The following ADD3 variants were observed in gnomAD, a reference collection of about 807,000 sequenced individuals.
ADD3 encodes adducin 3, also known as gamma-adducin.
ADD3 carries 25 observed loss-of-function variants against 80.2 expected under a neutral mutation model. That is an observed-to-expected ratio of 0.31 (90% CI 0.23 to 0.44). The LOEUF (loss-of-function observed/expected upper bound fraction) is 0.44. Ranked by LOEUF, ADD3 falls within the 20% of genes least tolerant of loss-of-function variation. ADD3 has a pLI of 1.00. For synonymous variants in ADD3, 284 were observed against 289.6 expected (o/e 0.98, Z 0.20); for missense variants, 829 against 847.5 (o/e 0.98, Z 0.27).
intron 1 of ADD3, among the ~76,000 whole-genome samples, chr10:110,073,996 T>G (rs762055317): frequency 6.6e-6 from 1 of 152,108 alleles, no homozygotes; most frequent in Non-Finnish European, 1.5e-5. Flanking sequence ...AGACTGAATG[T>G]CCCACAGAGC....
rs1490994717 is a variant in ADD3, at chr10:110,100,715, AAG to A, written c.68_69del (p.Arg23IlefsTer3). The A allele has an allele frequency of 1.9e-6, 3 of 1,613,842 alleles. No individual in the cohort carries two copies. The highest frequency in any genetic ancestry group is 1.6e-4 in the Middle Eastern group (1 of 6,084). The stretch of plus-strand genomic sequence containing the variant: ...CCTCCTCCTCCCAGCATGCCTCACA[AAG>A]AGAGATATTTTGACCGCATCAATGA... On this transcript the variant is annotated frameshift_variant, in exon 2 of 15. Transcript: ENST00000356080. LOFTEE classifies it high-confidence loss of function.
intron 3 of ADD3, among the ~76,000 whole-genome samples, chr10:110,114,324 T>C (rs1850425532): frequency 6.6e-6 from 1 of 152,240 alleles, no homozygotes; most frequent in Non-Finnish European, 1.5e-5. Context: ...ATTAAAACTA[T>C]TCAGATTACT....
At chr10:110,040,970 C>CTCTCTCTGTCTCTCTCTG (rs1856277673) in intron 1 of ADD3, among the ~76,000 whole-genome samples, 1 of 26,312 alleles carries the variant, frequency 3.8e-5, no homozygotes, top group Non-Finnish European at 1.9e-4. Flanking sequence ...CTCTGTCTCT[C>CTCTCTCTGTCTCTCTCTG]TCTCTCTCTC....
intron 1 of ADD3, among the ~76,000 whole-genome samples, chr10:110,096,198 A>T (rs1728650967): frequency 6.6e-6 from 1 of 152,214 alleles, no homozygotes; most frequent in Non-Finnish European, 1.5e-5. Context: ...CTCTTTCAGC[A>T]TTCTACCTAG....
At chr10:110,016,913 G>A (rs1420709770) in intron 1 of ADD3, among the ~76,000 whole-genome samples, 1 of 152,110 alleles carries the variant, frequency 6.6e-6, no homozygotes, top group African/African-American at 2.4e-5. Flanking sequence ...CAGACAAGAA[G>A]GAACTTTGAA....
At chr10:110,042,744 A>G (rs1240682928) in intron 1 of ADD3, among the ~76,000 whole-genome samples, 1 of 150,780 alleles carries the variant, frequency 6.6e-6, no homozygotes, top group African/African-American at 2.4e-5. Context: ...ACCAAATCGA[A>G]TTCTCCTGGT....
At chr10:110,048,978 G>A (rs556933133) in intron 1 of ADD3, among the ~76,000 whole-genome samples, 1 of 152,302 alleles carries the variant, frequency 6.6e-6, no homozygotes, top group Admixed American at 6.5e-5. Flanking sequence ...GAGGCATGGA[G>A]GAAAAAATGG....
intron 1 of ADD3, among the ~76,000 whole-genome samples, chr10:110,082,827 G>GT (rs1846230816): frequency 6.6e-6 from 1 of 152,008 alleles, no homozygotes; most frequent in African/African-American, 2.4e-5. Flanking sequence ...CTTTTTTTGT[G>GT]TAATTACTTT....
chr10:110,049,650 G>A (rs1857274527), intron 1 of ADD3, among the ~76,000 whole-genome samples: 1 of 152,192 alleles, frequency 6.6e-6, no homozygotes, highest in African/African-American at 2.4e-5. Flanking sequence ...CACTTTGGGA[G>A]GCCAAGGCAG....
At chr10:110,092,670 C>T (rs1035862547) in intron 1 of ADD3, among the ~76,000 whole-genome samples, 26 of 152,134 alleles carry the variant, frequency 1.7e-4, no homozygotes, top group African/African-American at 5.8e-4. Context: ...ACCCCAATGC[C>T]GTACAATTTA....
chr10:110,029,876 T>C (rs942632273), intron 1 of ADD3, among the ~76,000 whole-genome samples: 2 of 152,242 alleles, frequency 1.3e-5, no homozygotes, highest in Non-Finnish European at 2.9e-5. Flanking sequence ...TAAAGAATTT[T>C]TAAAGTTATT....
intron 1 of ADD3, among the ~76,000 whole-genome samples, chr10:110,081,643 G>A (rs1846071503): frequency 6.6e-6 from 1 of 152,056 alleles, no homozygotes; most frequent in Non-Finnish European, 1.5e-5. Flanking sequence ...AATTAATTGA[G>A]GCTAAATTTT....
chr10:110,047,457 C>A (rs1270876998), intron 1 of ADD3, among the ~76,000 whole-genome samples: 1 of 152,162 alleles, frequency 6.6e-6, no homozygotes, highest in Non-Finnish European at 1.5e-5. Context: ...AAATCAGGTG[C>A]TAGCATTCTC....
Position 110,133,376 on chromosome 10 carries a change from A to C in ADD3, c.1879A>C (p.Met627Leu), listed in dbSNP as rs1305106387. The part of the protein sequence containing the change: ...KSFISMEVPV[M>L]VVNGKDDMHD... ...CTTCATCTCCATGGAAGTGCCTGTC[A>C]TGGTAGTAAATGGCAAGGATGATAT... The change falls in exon 15 of 15, where the codon ATG becomes CTG. Residue 627 changes from methionine to leucine, a missense_variant. Transcript: ENST00000356080. The C allele has an allele frequency of 6.2e-7, 1 of 1,608,390 alleles. No homozygotes were observed. The highest frequency in any genetic ancestry group is 8.5e-7 in the Non-Finnish European group (1 of 1,175,446).
intron 1 of ADD3, among the ~76,000 whole-genome samples, chr10:110,031,168 G>A (rs1475040681): frequency 6.6e-6 from 1 of 152,184 alleles, no homozygotes; most frequent in East Asian, 1.9e-4. Flanking sequence ...TAGCTACTCG[G>A]GAGACTGAGG....
chr10:110,023,587 A>G (rs1394578244), intron 1 of ADD3, among the ~76,000 whole-genome samples: 1 of 152,176 alleles, frequency 6.6e-6, no homozygotes, highest in Non-Finnish European at 1.5e-5. Context: ...CATTTCCAAT[A>G]CTCTGATTTA....
At position 110,057,782 on chromosome 10, in the gene ADD3, G is replaced by T. The variant is rs566170713; in HGVS notation, c.-29-42843G>T. On this transcript the variant is annotated intron_variant, in intron 1 of 14. Coordinates refer to ENST00000356080, the MANE Select transcript of ADD3 (RefSeq NM_016824.5). ...ACAAATATTTTTTGTTGCAATGAAAGAATATACTTTTTAAGAATCACTGTA... is the reference window on the plus strand; with the variant it reads ...ACAAATATTTTTTGTTGCAATGAAATAATATACTTTTTAAGAATCACTGTA... Among the ~76,000 whole-genome samples the T allele has an allele frequency of 2.5e-4, 38 of 152,212 alleles. 1 individual carries two copies. The highest frequency in any genetic ancestry group is 9.1e-4 in the African/African-American group (38 of 41,554).
At position 110,133,903 on chromosome 10, in the gene ADD3, T is replaced by G. The variant is rs1853392573; in HGVS notation, c.*285T>G. The G allele has an allele frequency of 4.6e-6, 1 of 215,738 alleles. No homozygotes were observed. The highest frequency in any genetic ancestry group is 2.3e-5 in the African/African-American group (1 of 43,864). The allele number at this position is 215,738 out of a possible 1,614,324, so 13.4% of individuals were successfully genotyped here. A position where few individuals can be genotyped will look rare whatever the true frequency, so the allele number is the denominator to read the frequency against. On this transcript the variant is annotated 3_prime_UTR_variant, in exon 15 of 15. Coordinates refer to ENST00000356080, the MANE Select transcript of ADD3 (RefSeq NM_016824.5). The stretch of plus-strand genomic sequence containing the variant: ...ATAAACAGCTATCTGTCTGAATTAC[T>G]TCAGGCCTTCTCCATAATATCTGTT...
At chr10:110,108,653 G>A (rs1849646081) in intron 2 of ADD3, among the ~76,000 whole-genome samples, 1 of 151,964 alleles carries the variant, frequency 6.6e-6, no homozygotes, top group African/African-American at 2.4e-5. Context: ...TTAGTAATTA[G>A]TAATTTTTTA....
Sources: gnomAD v4.1 joint callset for allele counts (sites outside exome capture counted in the v4.1 genomes callset) on GRCh38, gnomAD v4.1.1 for gene constraint, MANE v1.5 for transcripts, NCBI Gene and HGNC (gene_info 2026-07-23, HGNC 2026-07-21) for gene names.